NKAP: variants seen among roughly 807,000 people sequenced by gnomAD.
The protein encoded by NKAP is NFKB activating protein.
Under a neutral mutation model 35.6 loss-of-function variants are expected in NKAP, and 4 were observed. The observed-to-expected ratio is 0.11, with a 90% CI of 0.06 to 0.26. The LOEUF (loss-of-function observed/expected upper bound fraction) is 0.26, where lower values mean the gene tolerates loss of function less well. Among genes scored for constraint, NKAP ranks in the 10% least tolerant of loss-of-function variants. NKAP has a pLI of 1.00. For synonymous variants in NKAP, 106 were observed against 119.2 expected, an observed-to-expected ratio of 0.89 and a Z score of 0.72; for missense variants, 238 against 321.9, an observed-to-expected ratio of 0.74 and a Z score of 1.99.
Position 119,924,208 on chromosome X carries a change from C to G in NKAP, c.*1012G>C, listed in dbSNP as rs952973136. ...ATGTTCCTATCAAGTCCATTTATAACACATTCAACACAGAGGAGTGATAAT... is the reference window on the plus strand; with the variant it reads ...ATGTTCCTATCAAGTCCATTTATAAGACATTCAACACAGAGGAGTGATAAT... On this transcript the variant is annotated 3_prime_UTR_variant, in exon 9 of 9. Coordinates refer to ENST00000371410, the MANE Select transcript of NKAP (RefSeq NM_024528.4). 1.8e-5 allele frequency: 2 copies of G among 110,603 alleles called. No individual in the cohort carries two copies. The highest frequency in any genetic ancestry group is 3.8e-5 in the Non-Finnish European group (2 of 52,988). The allele number at this position is 110,603 out of a possible 1,213,427, so 9.1% of individuals were successfully genotyped here.
intron 5 of NKAP, among the ~76,000 whole-genome samples, chrX:119,933,314 G>T: frequency 8.9e-6 from 1 of 111,812 alleles, no homozygotes; most frequent in East Asian, 2.8e-4. Flanking sequence ...GAAGGATAAA[G>T]CCAGGATTAG....
chrX:119,933,764 C>T lies in NKAP; in HGVS notation c.737+730G>A, dbSNP rs2056752813. Among the ~76,000 whole-genome samples the T allele has an allele frequency of 2.7e-5, 3 of 110,548 alleles. 1 individual carries two copies. The highest frequency in any genetic ancestry group is 1.9e-4 in the Admixed American group (2 of 10,314). ...GAACTCCTGGGCTCAAGCGATCCTC[C>T]TGCCTGGCCTCCCAAAGTGCTGAGA... On this transcript the variant is annotated intron_variant, in intron 5 of 8. Coordinates refer to ENST00000371410, the MANE Select transcript of NKAP (RefSeq NM_024528.4).
At position 119,938,766 on chromosome X, in the gene NKAP, T is replaced by C; in HGVS notation, c.431A>G (p.Glu144Gly). 8.3e-7 allele frequency: 1 copy of C among 1,203,412 alleles called. No individual in the cohort carries two copies. The highest frequency in any genetic ancestry group is 1.1e-6 in the Non-Finnish European group (1 of 890,640). Residue 144 changes from glutamate (E) to glycine (G), a missense_variant, in exon 2 of 9, where the codon GAA becomes GGA. Physicochemically the swap from Glu to Gly is moderately conservative, Grantham distance 98. This residue lies in a region of NKAP where 6 missense variants were observed against 24.6 expected (regional missense o/e 0.24). Transcript: ENST00000371410. ...ATTCTTTGGAGAAAGTCCCCATACT[T>C]CAGGAGCTCCCAATTCTCCAATTCT... The part of the protein sequence containing the change: ...RERIGELGAP[E>G]VWGLSPKNPE...
chrX:119,925,488 C>T, intron 8 of NKAP, 94 bp from the exon 9 acceptor site: 1 of 896,938 alleles, frequency 1.1e-6, no homozygotes, highest in South Asian at 3.0e-5. Flanking sequence ...GTCTATTTAA[C>T]AGCTGACAAA....
At chrX:119,938,430 C>G (rs1314651910) in intron 2 of NKAP, among the ~76,000 whole-genome samples, 1 of 106,201 alleles carries the variant, frequency 9.4e-6, no homozygotes, top group Non-Finnish European at 1.9e-5. Flanking sequence ...CAATCTGCCA[C>G]TGAGTTTAGT....
chrX:119,925,992 C>T (rs772601455), intron 8 of NKAP, among the ~76,000 whole-genome samples: 2 of 83,590 alleles, frequency 2.4e-5, no homozygotes, highest in Admixed American at 2.7e-4. Context: ...CTCTGTCGCC[C>T]AGGCCGGACT....
Position 119,922,704 on chromosome X carries a change from G to A in NKAP, c.*2516C>T, listed in dbSNP as rs1452128000. On this transcript the variant is annotated 3_prime_UTR_variant, in exon 9 of 9. Transcript: ENST00000371410. ...ATTGCACCACTGAACTCTAGCCTGGGTGACAGAGGGAGACCCTGTCTCAAA... is the reference window on the plus strand; with the variant it reads ...ATTGCACCACTGAACTCTAGCCTGGATGACAGAGGGAGACCCTGTCTCAAA... 1.8e-5 allele frequency: 2 copies of A among 111,421 alleles called. No individual in the cohort carries two copies. The highest frequency in any genetic ancestry group is 2.8e-4 in the East Asian group (1 of 3,555). 9.2% of individuals were successfully genotyped at this position (111,421 alleles called of 1,213,427 possible).
At chrX:119,936,490 A>G in intron 3 of NKAP, 59 bp from the exon 4 acceptor site, 1 of 1,010,341 alleles carries the variant, frequency 9.9e-7, no homozygotes, top group East Asian at 3.3e-5. Context: ...ACATCAAAAG[A>G]AACAGACGAT....
chrX:119,936,810 T>A, intron 2 of NKAP, 128 bp from the exon 3 acceptor site: 1 of 503,886 alleles, frequency 2.0e-6, no homozygotes, highest in Non-Finnish European at 3.4e-6. Flanking sequence ...AAAGCAAGCA[T>A]TGGAGATCCT....
At chrX:119,933,175 A>G (rs1356742424) in intron 5 of NKAP, among the ~76,000 whole-genome samples, 1 of 112,061 alleles carries the variant, frequency 8.9e-6, no homozygotes, top group Non-Finnish European at 1.9e-5. Context: ...CCAATTCATT[A>G]TTTGAAAAGT....
At chrX:119,932,982 C>CA (rs5903567) in intron 5 of NKAP, among the ~76,000 whole-genome samples, 19,286 of 89,488 alleles carry the variant, frequency 0.22, 2,821 homozygotes, top group African/African-American at 0.51. Context: ...GACACGGTCT[C>CA]AAAAAAAAAA....
In NKAP at chrX:119,924,502, T is replaced by G. The variant is rs1215997916; in HGVS notation, c.*718A>C. On this transcript the variant is annotated 3_prime_UTR_variant, in exon 9 of 9. Coordinates refer to ENST00000371410, the MANE Select transcript of NKAP (RefSeq NM_024528.4). ...GCCTCCTGGATTCAAGCAATTCTCC[T>G]GCCTCAGCCTCCCGAGTAGTTGGGA... is the stretch of plus-strand genomic sequence containing the variant. 1 of 109,611 alleles carries G rather than the reference T, an allele frequency of 9.1e-6. No individual in the cohort carries two copies. The highest frequency in any genetic ancestry group is 3.3e-5 in the African/African-American group (1 of 30,115). 9.0% of individuals were successfully genotyped at this position (109,611 alleles called of 1,213,427 possible).
chrX:119,920,703 C>A lies in NKAP; in HGVS notation c.*4517G>T. 2 of 629,764 alleles carry A rather than the reference C, an allele frequency of 3.2e-6. No individual in the cohort carries two copies. Among genetic ancestry groups the A allele is most frequent in the Non-Finnish European group, 4.7e-6 (2 of 423,458 alleles). The allele number at this position is 629,764 out of a possible 1,213,427, so 51.9% of individuals were successfully genotyped here. A position where few individuals can be genotyped will look rare whatever the true frequency, so the allele number is the denominator to read the frequency against. On this transcript the variant is annotated 3_prime_UTR_variant, in exon 9 of 9. Transcript: ENST00000371410. ...CACAGAATATTTATTGAGTAATAAA[C>A]TTGTGGCACACAATCCAGCTGTATT...
At chrX:119,943,020 T>TA (rs1193028702) in intron 1 of NKAP, 200 bp downstream of exon 1, 1 of 462,438 alleles carries the variant, frequency 2.2e-6, no homozygotes, top group Non-Finnish European at 3.5e-6. Flanking sequence ...ACCAGGGCAC[T>TA]ATATGAAGGG....
intron 8 of NKAP, among the ~76,000 whole-genome samples, chrX:119,926,771 C>G: frequency 9.2e-6 from 1 of 108,555 alleles, no homozygotes; most frequent in Admixed American, 1.0e-4. Context: ...CCAAAAGAAC[C>G]AAGTCTAGGC....
intron 8 of NKAP, among the ~76,000 whole-genome samples, 171 bp from the exon 9 acceptor site, chrX:119,925,565 T>G (rs887517762): frequency 4.5e-5 from 5 of 111,202 alleles, no homozygotes; most frequent in African/African-American, 6.5e-5. Flanking sequence ...ACGTCCTTTT[T>G]TTTTGTTTTG....
rs2056684669 is a variant in NKAP at position 119,920,678 on chromosome X, C to A, written c.*4542G>T. 1.8e-5 allele frequency: 14 copies of A among 773,904 alleles called. No individual in the cohort carries two copies. The allele number at this position is 773,904 out of a possible 1,213,427, so 63.8% of individuals were successfully genotyped here. A position where few individuals can be genotyped will look rare whatever the true frequency, so the allele number is the denominator to read the frequency against. The stretch of plus-strand genomic sequence containing the variant: ...AAAAATACAATACAGCACGTCAAAC[C>A]ACAGAATATTTATTGAGTAATAAAC... On this transcript the variant is annotated 3_prime_UTR_variant, in exon 9 of 9. Coordinates refer to ENST00000371410, the MANE Select transcript of NKAP (RefSeq NM_024528.4).
At chrX:119,928,523 T>C (rs187540999) in intron 8 of NKAP, among the ~76,000 whole-genome samples, 70 of 112,427 alleles carry the variant, frequency 6.2e-4, no homozygotes, top group Admixed American at 5.0e-3. Context: ...TGGGATTTTC[T>C]ATGTAAACAA....
chrX:119,940,256 T>C (rs981175668), intron 1 of NKAP, among the ~76,000 whole-genome samples: 1 of 108,539 alleles, frequency 9.2e-6, no homozygotes, highest in Admixed American at 9.9e-5. Context: ...GGAGAATCTC[T>C]TGAACCCTGG....
Sources: gnomAD v4.1 joint callset for allele counts (sites outside exome capture counted in the v4.1 genomes callset) on GRCh38, gnomAD v4.1.1 for gene constraint, gnomAD v4.1.1 regional missense constraint, MANE v1.5 for transcripts, NCBI Gene and HGNC (gene_info 2026-07-23, HGNC 2026-07-21) for gene names.